The following SYDE2 variants were observed in gnomAD, a reference collection of about 807,000 sequenced individuals.
The protein encoded by SYDE2 is rho GTPase-activating protein SYDE2.
Under a neutral mutation model 91.5 loss-of-function variants are expected in SYDE2, and 76 were observed. That is an observed-to-expected ratio of 0.83 (90% CI 0.69 to 1.01). SYDE2 has a LOEUF of 1.01. Ranked by LOEUF, SYDE2 falls within the 50% of genes least tolerant of loss-of-function variation. The pLI, the probability that SYDE2 is intolerant of heterozygous loss-of-function variation, is 0.00. For synonymous variants in SYDE2, 513 were observed against 506.4 expected (o/e 1.01, Z -0.18); for missense variants, 1,364 against 1,367.7 (o/e 1.00, Z 0.04).
chr1:85,167,569 G>C (rs1047508297), intron 5 of SYDE2, among the ~76,000 whole-genome samples: 1 of 152,052 alleles, frequency 6.6e-6, no homozygotes, highest in African/African-American at 2.4e-5. Context: ...TTTTACCTCA[G>C]CCTCCCAAGT....
chr1:85,197,452 A>G (rs1397679276), intron 1 of SYDE2, among the ~76,000 whole-genome samples: 1 of 152,222 alleles, frequency 6.6e-6, no homozygotes, highest in African/African-American at 2.4e-5. Flanking sequence ...TACTGTACAG[A>G]AAAATGTGCT....
Position 85,190,357 on chromosome 1 carries a change from G to C in SYDE2, c.1141C>G (p.Leu381Val), listed in dbSNP as rs1658317791. The change falls in exon 2 of 7, where the codon CTT becomes GTT. Residue 381 changes from leucine (L) to valine (V), a missense_variant. By Grantham distance (32) the Leu-to-Val change is conservative. Transcript: ENST00000341460. ...WYNPIPEDDDLGISSALSFGE... is the reference protein window; with the variant it reads ...WYNPIPEDDDVGISSALSFGE... ...AAACTCAAGGCACTTGATATACCAAGGTCATCATCCTCAGGAATGGGATTG... is the reference window on the plus strand; with the variant it reads ...AAACTCAAGGCACTTGATATACCAACGTCATCATCCTCAGGAATGGGATTG... The C allele has an allele frequency of 6.2e-7, 1 of 1,613,700 alleles. No individual in the cohort carries two copies. Among genetic ancestry groups the C allele is most frequent in the Admixed American group, 1.7e-5 (1 of 59,984 alleles).
chr1:85,159,145 A>G lies in SYDE2; in HGVS notation c.3190T>C (p.Leu1064=). ...ACTCCTGATGAATCAGTACCACTCA[A>G]ATTTAACATATGAGGTCGTTCTTTC... ...QKKERPHMLN[L]SGTDSSGVLR... is the part of the protein sequence containing the mutation. Residue 1064 remains leucine, a synonymous_variant, in exon 7 of 7, where the codon TTG becomes CTG. Transcript: ENST00000341460. 1 of 780,858 alleles carries G rather than the reference A, an allele frequency of 1.3e-6. No individual in the cohort carries two copies. The highest frequency in any genetic ancestry group is 1.3e-5 in the South Asian group (1 of 74,622). 48.4% of individuals were successfully genotyped at this position (780,858 alleles called of 1,614,324 possible).
In SYDE2 at chr1:85,182,189, A is replaced by C; in HGVS notation, c.2453T>G (p.Ile818Ser). 1 of 1,607,578 alleles carries C rather than the reference A, an allele frequency of 6.2e-7. No individual in the cohort carries two copies. The highest frequency in any genetic ancestry group is 1.7e-5 in the Admixed American group (1 of 58,950). The change falls in exon 3 of 7, where the codon ATT becomes AGT. Residue 818 changes from isoleucine to serine, a missense_variant. Physicochemically the swap from Ile to Ser is moderately radical, Grantham distance 142. Coordinates refer to ENST00000341460, the MANE Select transcript of SYDE2 (RefSeq NM_032184.2). ...ATTTTCTTTCTCTACAACTTTTTGA[A>C]TATCAACTCCAAATATTATTGGTTC... ...NQEPIIFGVDIQKVVEKENIG... is the reference protein window; with the variant it reads ...NQEPIIFGVDSQKVVEKENIG...
chr1:85,177,686 A>T (rs1657751073), intron 4 of SYDE2, among the ~76,000 whole-genome samples: 1 of 152,148 alleles, frequency 6.6e-6, no homozygotes, highest in African/African-American at 2.4e-5. Flanking sequence ...TTCTAATTTC[A>T]ATCCATCACA....
intron 6 of SYDE2, 112 bp downstream of exon 6, chr1:85,164,413 GA>G (rs1657189892): frequency 1.3e-5 from 11 of 828,982 alleles, no homozygotes; most frequent in Non-Finnish European, 1.7e-5. Flanking sequence ...ACAACATTTT[GA>G]AAAAGCAAAA....
intron 5 of SYDE2, among the ~76,000 whole-genome samples, chr1:85,168,027 T>C (rs540424424): frequency 6.6e-6 from 1 of 152,098 alleles, no homozygotes; most frequent in East Asian, 1.9e-4. Flanking sequence ...GGTAGGAGAA[T>C]TGCTTGAACC....
Position 85,190,585 on chromosome 1 carries a change from T to C in SYDE2, c.913A>G (p.Asn305Asp). The C allele has an allele frequency of 6.2e-7, 1 of 1,613,974 alleles. No individual in the cohort carries two copies. Among genetic ancestry groups the C allele is most frequent in the Non-Finnish European group, 8.5e-7 (1 of 1,179,892 alleles). The change falls in exon 2 of 7, where the codon AAT (asparagine) becomes GAT (aspartate). Residue 305 changes from asparagine (N) to aspartate (D), a missense_variant. By Grantham distance (23) the Asn-to-Asp change is conservative (BLOSUM62 1). Transcript: ENST00000341460. Reference protein sequence around the residue: ...TLRPLNLEEENKKCQDRSHLS... With the variant: ...TLRPLNLEEEDKKCQDRSHLS... The stretch of plus-strand genomic sequence containing the variant: ...TGACTTCTATCTTGGCATTTCTTAT[T>C]TTCTTCTTCCAGATTAAGAGGCCTC...
At chr1:85,188,868 C>T (rs1193179527) in intron 2 of SYDE2, among the ~76,000 whole-genome samples, 1 of 152,148 alleles carries the variant, frequency 6.6e-6, no homozygotes, top group Non-Finnish European at 1.5e-5. Context: ...TAATAAAACC[C>T]AGGGGATATA....
chr1:85,163,809 G>T (rs1247670159), intron 6 of SYDE2, among the ~76,000 whole-genome samples: 1 of 152,034 alleles, frequency 6.6e-6, no homozygotes, highest in African/African-American at 2.4e-5. Flanking sequence ...AGAAAATTTT[G>T]AAATTTAAAT....
Position 85,158,328 on chromosome 1 carries a change from G to A in SYDE2, c.*422C>T, listed in dbSNP as rs1656934942. The A allele has an allele frequency of 6.4e-6, 1 of 155,756 alleles. No individual in the cohort carries two copies. The highest frequency in any genetic ancestry group is 1.9e-4 in the East Asian group (1 of 5,290). The allele number at this position is 155,756 out of a possible 1,614,324, so 9.6% of individuals were successfully genotyped here. On this transcript the variant is annotated 3_prime_UTR_variant, in exon 7 of 7. Transcript: ENST00000341460. ...GGAGGTGGAGGTTGCAGTGACCTGA[G>A]ATCGCACCAGTGCACTCCAGCCTGG... is the stretch of plus-strand genomic sequence containing the variant.
intron 2 of SYDE2, among the ~76,000 whole-genome samples, chr1:85,184,577 A>ACT (rs1658055708): frequency 2.0e-5 from 3 of 152,158 alleles, no homozygotes; most frequent in African/African-American, 7.2e-5. Flanking sequence ...GTCCACTATG[A>ACT]TTACAACTAG....
At position 85,195,959 on chromosome 1, in the gene SYDE2, A is replaced by G. The variant is rs529231172; in HGVS notation, c.745+4293T>C. Among the ~76,000 whole-genome samples the G allele has an allele frequency of 3.3e-5, 5 of 152,294 alleles. No homozygotes were observed. In the South Asian group the frequency reaches 1.0e-3, roughly 32 times the overall value. ...GTTGAGTAACTTATCCAAGGTCACAAGCCTGGTAAGTGGTAGAGTCTGACC... is the reference window on the plus strand; with the variant it reads ...GTTGAGTAACTTATCCAAGGTCACAGGCCTGGTAAGTGGTAGAGTCTGACC... On this transcript the variant is annotated intron_variant, in intron 1 of 6. Coordinates refer to ENST00000341460, the MANE Select transcript of SYDE2 (RefSeq NM_032184.2).
Position 85,201,010 on chromosome 1 carries a change from AGAT to A in SYDE2, c.-17_-15del, listed in dbSNP as rs1363840378. On this transcript the variant is annotated 5_prime_UTR_variant, in exon 1 of 7. Transcript: ENST00000341460. ...CAGGTCGTGCATGGCCTGGATCAGCAGATAATAGGCCTCTCGCAACTGGGTCCG... is the reference window on the plus strand; with the variant it reads ...CAGGTCGTGCATGGCCTGGATCAGCAAATAGGCCTCTCGCAACTGGGTCCG... 3.1e-6 allele frequency: 4 copies of A among 1,282,450 alleles called. No homozygotes were observed. Among genetic ancestry groups the A allele is most frequent in the African/African-American group, 1.5e-5 (1 of 64,964 alleles). The allele number at this position is 1,282,450 out of a possible 1,614,324, so 79.4% of individuals were successfully genotyped here. A position where few individuals can be genotyped will look rare whatever the true frequency, so the allele number is the denominator to read the frequency against.
chr1:85,183,222 T>C (rs11161539), intron 2 of SYDE2, 22 bp from the exon 3 acceptor site: 953,844 of 1,509,938 alleles, frequency 0.63, 307,068 homozygotes, highest in South Asian at 0.7. Flanking sequence ...GAAAGAAAAA[T>C]ACGTTATAAA....
rs762979819 is a variant in SYDE2 at position 85,190,447 on chromosome 1, A to T, written c.1051T>A (p.Ser351Thr). The T allele has an allele frequency of 2.5e-6, 4 of 1,613,822 alleles. No homozygotes were observed. The highest frequency in any genetic ancestry group is 3.4e-6 in the Non-Finnish European group (4 of 1,179,858). The part of the protein sequence containing the change: ...VVCNATNSSL[S>T]KNCALDFNEE... ...TTAAAATCTAAAGCACAGTTTTTCGATAATGAAGAGTTTGTAGCGTTACAT... is the reference window on the plus strand; with the variant it reads ...TTAAAATCTAAAGCACAGTTTTTCGTTAATGAAGAGTTTGTAGCGTTACAT... The change falls in exon 2 of 7, where the codon TCG (serine) becomes ACG (threonine). Residue 351 changes from serine to threonine, a missense_variant. Ser to Thr is a moderately conservative substitution (Grantham distance 58). Coordinates refer to ENST00000341460, the MANE Select transcript of SYDE2 (RefSeq NM_032184.2).
At chr1:85,156,191 C>A (rs1656878331), downstream of SYDE2, among the ~76,000 whole-genome samples, 2 of 152,042 alleles carry the variant, frequency 1.3e-5, no homozygotes, top group Admixed American at 6.6e-5. Context: ...TTCTATCCAT[C>A]TGAATTGTTT....
At chr1:85,192,352 G>C (rs545900167) in intron 1 of SYDE2, among the ~76,000 whole-genome samples, 2 of 152,188 alleles carry the variant, frequency 1.3e-5, no homozygotes, top group Non-Finnish European at 2.9e-5. Flanking sequence ...AGGCTGCAGT[G>C]AGCTATGATT....
chr1:85,170,981 G>A (rs568661987), intron 4 of SYDE2, among the ~76,000 whole-genome samples: 1 of 152,214 alleles, frequency 6.6e-6, no homozygotes, highest in African/African-American at 2.4e-5. Context: ...TTGCAATTTT[G>A]AGGAAAAAAG....
Sources: allele counts gnomAD v4.1 joint callset (sites outside exome capture counted in the v4.1 genomes callset), GRCh38; gene constraint gnomAD v4.1.1; transcripts MANE v1.5; gene names NCBI Gene and HGNC (gene_info 2026-07-23, HGNC 2026-07-21).